PXDNL: variants seen among roughly 807,000 people sequenced by gnomAD.
The protein encoded by PXDNL is peroxidasin like, also known as probable oxidoreductase PXDNL.
A neutral mutation model predicts 150.8 loss-of-function variants in PXDNL; 145 were observed. The observed-to-expected ratio is 0.96, with a 90% confidence interval of 0.84 to 1.10. The LOEUF (loss-of-function observed/expected upper bound fraction) is 1.10, where lower values mean the gene tolerates loss of function less well. PXDNL is among the 50% of genes least tolerant of loss of function. PXDNL has a pLI of 0.00. For synonymous variants in PXDNL, 757 were observed against 725.7 expected (o/e 1.04, Z -0.69); for missense variants, 2,087 against 1,873.9 (o/e 1.11, Z -2.10).
intron 1 of PXDNL, among the ~76,000 whole-genome samples, chr8:51,655,700 G>A (rs1438497850): frequency 6.6e-6 from 1 of 152,166 alleles, no homozygotes; most frequent in Non-Finnish European, 1.5e-5. Context: ...TATGACCCAA[G>A]CCAGGCCAGC....
At position 51,408,763 on chromosome 8, in the gene PXDNL, A is replaced by G. The variant is rs749032602; in HGVS notation, c.2861T>C (p.Phe954Ser). ...GTTGGCCCGGTGGTCCCCGGCCAGG[A>G]AACAGGGGCTCTCCTGCTCCTGTCG... The part of the protein sequence containing the change: ...CARQEQESPC[F>S]LAGDHRANEH... Residue 954 changes from phenylalanine (F) to serine (S), a missense_variant, in exon 17 of 23, where the codon TTC becomes TCC. Phe to Ser is a radical substitution (Grantham distance 155). Transcript: ENST00000356297. The G allele has an allele frequency of 6.7e-5, 106 of 1,586,566 alleles. No homozygotes were observed. In the South Asian group the frequency reaches 6.7e-4, roughly 10 times the overall value.
chr8:51,423,847 G>T (rs1200269510), intron 13 of PXDNL, 116 bp from the exon 14 acceptor site: 113 of 909,832 alleles, frequency 1.2e-4, no homozygotes, highest in Non-Finnish European at 1.8e-4. Context: ...CGTTTGCTGT[G>T]TGTCAAGTAC....
At chr8:51,581,251 C>A (rs535011612) in intron 3 of PXDNL, among the ~76,000 whole-genome samples, 10 of 152,158 alleles carry the variant, frequency 6.6e-5, no homozygotes, top group South Asian at 2.1e-4. Flanking sequence ...GCTTGGGAGG[C>A]CAAGACGGGC....
At chr8:51,490,573 C>T (rs867352036) in intron 5 of PXDNL, among the ~76,000 whole-genome samples, 21 of 149,856 alleles carry the variant, frequency 1.4e-4, no homozygotes, top group Non-Finnish European at 1.6e-4. Context: ...AATGAATGGA[C>T]GAAATATGTA....
At chr8:51,463,643 C>T (rs1222134475) in intron 8 of PXDNL, among the ~76,000 whole-genome samples, 3 of 152,128 alleles carry the variant, frequency 2.0e-5, no homozygotes, top group African/African-American at 7.2e-5. Flanking sequence ...AACACTTTAT[C>T]CAATAATAAC....
intron 1 of PXDNL, among the ~76,000 whole-genome samples, chr8:51,794,535 C>G (rs895111028): frequency 6.6e-6 from 1 of 152,144 alleles, no homozygotes; most frequent in Admixed American, 6.6e-5. Flanking sequence ...GAATTTCCAA[C>G]CCAGAATTTC....
chr8:51,767,129 G>A (rs992726373), intron 1 of PXDNL, among the ~76,000 whole-genome samples: 53 of 151,926 alleles, frequency 3.5e-4, no homozygotes, highest in African/African-American at 1.3e-3. Flanking sequence ...TATAACAGCT[G>A]ATTTAAAATC....
intron 8 of PXDNL, among the ~76,000 whole-genome samples, chr8:51,458,975 G>A (rs565718490): frequency 1.2e-3 from 183 of 152,274 alleles, no homozygotes; most frequent in African/African-American, 4.1e-3. Flanking sequence ...AAAGAAATTC[G>A]AGTTGTCATT....
At position 51,744,934 on chromosome 8, in the gene PXDNL, AAG is replaced by A. The variant is rs1432574214; in HGVS notation, c.164+64245_164+64246del. ...GGAAGGAAGGAAAGAAAGAAAAAGAAAGAAAGAAAGAAAGAAAGAAAGAAAGA... is the reference window on the plus strand; with the variant it reads ...GGAAGGAAGGAAAGAAAGAAAAAGAAAAAGAAAGAAAGAAAGAAAGAAAGA... On this transcript the variant is annotated intron_variant, in intron 1 of 22. Coordinates refer to ENST00000356297, the MANE Select transcript of PXDNL (RefSeq NM_144651.5). 2.5e-3 allele frequency among the ~76,000 whole-genome samples: 10 copies of A among 3,974 alleles called. No individual in the cohort carries two copies. The Non-Finnish European group carries it at 0.034, about 14-fold the overall frequency. 2.6% of individuals were successfully genotyped at this position (3,974 alleles called of 152,430 possible). A position where few individuals can be genotyped will look rare whatever the true frequency, so the allele number is the denominator to read the frequency against.
At chr8:51,777,426 A>G (rs964634780) in intron 1 of PXDNL, among the ~76,000 whole-genome samples, 6 of 152,264 alleles carry the variant, frequency 3.9e-5, no homozygotes, top group African/African-American at 1.4e-4. Context: ...AAGTGAAACC[A>G]TAGCTGCCAC....
chr8:51,436,235 T>G (rs1809405006), intron 12 of PXDNL: 2 of 520,866 alleles, frequency 3.8e-6, no homozygotes, highest in African/African-American at 1.9e-5. Flanking sequence ...TTCACCATTT[T>G]GGATAATAGG....
intron 4 of PXDNL, among the ~76,000 whole-genome samples, chr8:51,529,807 T>C (rs1811853453): frequency 6.6e-6 from 1 of 152,110 alleles, no homozygotes; most frequent in Non-Finnish European, 1.5e-5. Context: ...CTTCCATTCT[T>C]CCACATCTTG....
At chr8:51,548,987 G>T (rs1427266947) in intron 4 of PXDNL, among the ~76,000 whole-genome samples, 2 of 152,054 alleles carry the variant, frequency 1.3e-5, no homozygotes, top group Non-Finnish European at 2.9e-5. Context: ...TGGGAAAAGG[G>T]ATTTCATGCA....
intron 19 of PXDNL, among the ~76,000 whole-genome samples, chr8:51,352,890 G>A (rs1806395445): frequency 6.6e-6 from 1 of 152,112 alleles, no homozygotes; most frequent in Admixed American, 6.6e-5. Context: ...TTATGAGTGG[G>A]AGCTAACAAT....
chr8:51,385,019 G>A (rs1162419086), intron 17 of PXDNL, among the ~76,000 whole-genome samples: 1 of 152,112 alleles, frequency 6.6e-6, no homozygotes, highest in Non-Finnish European at 1.5e-5. Flanking sequence ...CAGTCATTGA[G>A]ACTGAGATAG....
intron 1 of PXDNL, among the ~76,000 whole-genome samples, chr8:51,720,907 C>T (rs1320628469): frequency 6.6e-6 from 1 of 152,256 alleles, no homozygotes; most frequent in Non-Finnish European, 1.5e-5. Context: ...ACAGAGGGAA[C>T]TCCACAGGCT....
At chr8:51,763,357 C>A (rs985791238) in intron 1 of PXDNL, among the ~76,000 whole-genome samples, 1 of 151,110 alleles carries the variant, frequency 6.6e-6, no homozygotes, top group African/African-American at 2.4e-5. Context: ...CGGAGTATGA[C>A]CTTCCTGGGG....
At chr8:51,443,058 G>A (rs554157505) in intron 12 of PXDNL, among the ~76,000 whole-genome samples, 2 of 152,090 alleles carry the variant, frequency 1.3e-5, no homozygotes, top group African/African-American at 2.4e-5. Flanking sequence ...ATGCCAGAGA[G>A]TCATAATTTG....
chr8:51,357,680 C>T (rs901304330), intron 19 of PXDNL, among the ~76,000 whole-genome samples: 1 of 152,170 alleles, frequency 6.6e-6, no homozygotes, highest in Non-Finnish European at 1.5e-5. Context: ...GTTGGCAACA[C>T]CAGAGTGGAA....
Sources: gnomAD v4.1 joint callset for allele counts (sites outside exome capture counted in the v4.1 genomes callset) on GRCh38, gnomAD v4.1.1 for gene constraint, MANE v1.5 for transcripts, NCBI Gene and HGNC (gene_info 2026-07-23, HGNC 2026-07-21) for gene names.